DLG2: variants seen among roughly 807,000 people sequenced by gnomAD.
DLG2 encodes disks large homolog 2.
Under a neutral mutation model 132.5 loss-of-function variants are expected in DLG2, and 45 were observed. That is an observed-to-expected ratio of 0.34 (90% confidence interval 0.27 to 0.44). DLG2 has a LOEUF of 0.44. Among genes scored for constraint, DLG2 ranks in the 20% least tolerant of loss-of-function variants. The pLI, the probability that DLG2 is intolerant of heterozygous loss-of-function variation, is 1.00. For synonymous variants in DLG2, 424 were observed against 419.6 expected (o/e 1.01, Z -0.13); for missense variants, 1,045 against 1,196.9 (o/e 0.87, Z 1.87).
chr11:84,225,669 T>G (rs754993268), intron 8 of DLG2, among the ~76,000 whole-genome samples: 9 of 152,194 alleles, frequency 5.9e-5, no homozygotes, highest in Non-Finnish European at 1.5e-5. Context: ...CAATGTATGT[T>G]CTTTAGAGGA....
intron 6 of DLG2, among the ~76,000 whole-genome samples, chr11:84,570,778 T>C (rs2099479972): frequency 6.6e-6 from 1 of 152,198 alleles, no homozygotes; most frequent in African/African-American, 2.4e-5. Flanking sequence ...TTAGAAAATA[T>C]ATTTTGGTGC....
chr11:84,271,512 A>G (rs539805383), intron 7 of DLG2, among the ~76,000 whole-genome samples: 2 of 152,306 alleles, frequency 1.3e-5, no homozygotes, highest in East Asian at 3.9e-4. Context: ...CTTTAATAGA[A>G]ATAATTTTAT....
At chr11:83,856,909 T>C (rs187638217) in intron 16 of DLG2, among the ~76,000 whole-genome samples, 79 of 152,342 alleles carry the variant, frequency 5.2e-4, no homozygotes, top group African/African-American at 1.8e-3. Context: ...TGTGCCTATA[T>C]TCTGAATGGT....
intron 4 of DLG2, among the ~76,000 whole-genome samples, chr11:85,164,746 C>T (rs1286174952): frequency 2.0e-5 from 3 of 152,146 alleles, no homozygotes; most frequent in African/African-American, 7.2e-5. Flanking sequence ...ATTTTATGTG[C>T]ATTAACTCAT....
At chr11:84,171,890 T>C (rs941123291) in intron 8 of DLG2, among the ~76,000 whole-genome samples, 3 of 152,164 alleles carry the variant, frequency 2.0e-5, no homozygotes, top group Admixed American at 1.3e-4. Flanking sequence ...AACTAGATTG[T>C]CCATCACCAC....
chr11:84,201,808 CTTTTTTTTTTTTTTTTTT>C lies in DLG2; in HGVS notation c.574-38315_574-38298del, dbSNP rs58905339. ...TCACAGAGTTAGAAGAAACTATTTT[CTTTTTTTTTTTTTTTTTT>C]TTTTTTTTTTTGAGATGGAGTCTCA... On this transcript the variant is annotated intron_variant, in intron 8 of 27. Coordinates refer to ENST00000376104, the MANE Select transcript of DLG2 (RefSeq NM_001142699.3). 4.5e-4 allele frequency among the ~76,000 whole-genome samples: 29 copies of C among 64,610 alleles called. 1 individual carries two copies. The highest frequency in any genetic ancestry group is 2.0e-3 in the East Asian group (4 of 2,050). 42.4% of individuals were successfully genotyped at this position (64,610 alleles called of 152,430 possible).
intron 18 of DLG2, among the ~76,000 whole-genome samples, chr11:83,775,698 A>T (rs1464875159): frequency 6.6e-6 from 1 of 150,618 alleles, no homozygotes; most frequent in African/African-American, 2.5e-5. Flanking sequence ...GAGTTTATAT[A>T]AAATAAGTTC....
At chr11:85,096,403 A>G (rs1426536644) in intron 6 of DLG2, among the ~76,000 whole-genome samples, 2 of 152,024 alleles carry the variant, frequency 1.3e-5, no homozygotes, top group African/African-American at 4.8e-5. Flanking sequence ...GGAGGAACAA[A>G]CAACTCCAGA....
At chr11:84,643,457 C>T (rs1197088361) in intron 6 of DLG2, among the ~76,000 whole-genome samples, 1 of 152,178 alleles carries the variant, frequency 6.6e-6, no homozygotes, top group African/African-American at 2.4e-5. Context: ...GTTTCCTCAC[C>T]TGCAATACTA....
chr11:84,640,367 G>A (rs2099656082), intron 6 of DLG2: 1 of 347,690 alleles, frequency 2.9e-6, no homozygotes, highest in Non-Finnish European at 5.3e-6. Flanking sequence ...TCAGGGTTTG[G>A]ATAAGGCCAA....
At chr11:84,684,538 G>A (rs2153712760) in intron 6 of DLG2, among the ~76,000 whole-genome samples, 1 of 152,268 alleles carries the variant, frequency 6.6e-6, no homozygotes, top group Admixed American at 6.5e-5. Flanking sequence ...CTTCTCTAGA[G>A]TTCAGTTTGT....
At chr11:85,377,383 C>T (rs550686379) in intron 3 of DLG2, among the ~76,000 whole-genome samples, 5 of 152,112 alleles carry the variant, frequency 3.3e-5, no homozygotes, top group Non-Finnish European at 5.9e-5. Flanking sequence ...TTCCTCCTTT[C>T]GAAAGGAGGC....
At chr11:84,925,382 T>A (rs1280592985) in intron 6 of DLG2, among the ~76,000 whole-genome samples, 1 of 152,174 alleles carries the variant, frequency 6.6e-6, no homozygotes, top group African/African-American at 2.4e-5. Flanking sequence ...ATACATTTTT[T>A]TAAAAAGGCC....
In DLG2 at chr11:84,594,366, G is replaced by A. The variant is rs185381250; in HGVS notation, c.358-59635C>T. On this transcript the variant is annotated intron_variant, in intron 6 of 27. Coordinates refer to ENST00000376104, the MANE Select transcript of DLG2 (RefSeq NM_001142699.3). ...ATTCATTCATGCCTCAACATTTATT[G>A]AGCATCTTCTATGTGTCTCGTCTAG... Among the ~76,000 whole-genome samples the A allele has an allele frequency of 1.4e-3, 207 of 152,218 alleles. 3 individuals are homozygous for A. The highest frequency in any genetic ancestry group is 4.7e-3 in the African/African-American group (196 of 41,538).
At chr11:85,157,367 C>T (rs931981441) in intron 4 of DLG2, among the ~76,000 whole-genome samples, 5 of 152,036 alleles carry the variant, frequency 3.3e-5, no homozygotes, top group Admixed American at 1.3e-4. Context: ...TAACATGATT[C>T]GACCCAAAAA....
At chr11:85,042,982 A>G (rs907850166) in intron 6 of DLG2, among the ~76,000 whole-genome samples, 1 of 151,900 alleles carries the variant, frequency 6.6e-6, no homozygotes, top group African/African-American at 2.4e-5. Flanking sequence ...TCTCTATAGA[A>G]TAATTTGAAC....
chr11:85,469,405 C>A (rs984320516), intron 3 of DLG2: 3 of 152,206 alleles, frequency 2.0e-5, no homozygotes, highest in Non-Finnish European at 4.4e-5. Context: ...GTAAGTTCAC[C>A]TTTGCCCACT....
intron 3 of DLG2, among the ~76,000 whole-genome samples, chr11:85,549,714 G>A (rs1227631916): frequency 1.3e-5 from 2 of 152,142 alleles, no homozygotes; most frequent in Admixed American, 6.5e-5. Flanking sequence ...TTGCAAGAAA[G>A]AAGCTGATCA....
intron 6 of DLG2, among the ~76,000 whole-genome samples, chr11:84,806,959 C>G (rs1350606597): frequency 5.3e-5 from 8 of 152,048 alleles, no homozygotes; most frequent in Admixed American, 1.3e-4. Flanking sequence ...AAAGACAACA[C>G]AGTACACTGT....
Sources: allele counts gnomAD v4.1 joint callset (sites outside exome capture counted in the v4.1 genomes callset), GRCh38; gene constraint gnomAD v4.1.1; transcripts MANE v1.5; gene names NCBI Gene and HGNC (gene_info 2026-07-23, HGNC 2026-07-21).